MEIS1: variants seen among roughly 807,000 people sequenced by gnomAD.
MEIS1 encodes Meis homeobox 1.
A neutral mutation model predicts 50.8 loss-of-function variants in MEIS1; 5 were observed. The ratio of observed to expected loss-of-function variants is 0.10; its 90% confidence interval spans 0.05 to 0.21. MEIS1 has a LOEUF of 0.21. Among genes scored for constraint, MEIS1 ranks in the 10% least tolerant of loss-of-function variants. The probability of loss-of-function intolerance (pLI) is 1.00; values close to 1 mark genes in which losing one functional copy is unlikely to be tolerated. For synonymous variants in MEIS1, 176 were observed against 179.3 expected (o/e 0.98, Z 0.15); for missense variants, 318 against 517.3 (o/e 0.61, Z 3.74).
chr2:66,567,770 C>A, intron 10 of MEIS1: 1 of 608,558 alleles, frequency 1.6e-6, no homozygotes. Context: ...ATTCTTTGTA[C>A]ACATTCAATA....
chr2:66,492,798 T>A (rs1673304120), intron 7 of MEIS1, among the ~76,000 whole-genome samples: 1 of 152,218 alleles, frequency 6.6e-6, no homozygotes, highest in African/African-American at 2.4e-5. Flanking sequence ...AATAAATCAG[T>A]TGGACAACTC....
At chr2:66,520,830 C>T (rs1026466183) in intron 8 of MEIS1, among the ~76,000 whole-genome samples, 11 of 152,144 alleles carry the variant, frequency 7.2e-5, no homozygotes, top group Non-Finnish European at 1.2e-4. Context: ...TTCTCAAGAT[C>T]AAAAGCGAGG....
intron 8 of MEIS1, among the ~76,000 whole-genome samples, chr2:66,538,371 G>A (rs1674569439): frequency 6.6e-6 from 1 of 152,138 alleles, no homozygotes; most frequent in African/African-American, 2.4e-5. Flanking sequence ...AATACTTAAA[G>A]CTCTGAGAAC....
At chr2:66,447,414 G>T (rs886609656) in intron 6 of MEIS1, among the ~76,000 whole-genome samples, 1 of 152,136 alleles carries the variant, frequency 6.6e-6, no homozygotes, top group Non-Finnish European at 1.5e-5. Context: ...TGTGTTGTGG[G>T]TCATGTGATA....
intron 8 of MEIS1, among the ~76,000 whole-genome samples, chr2:66,520,207 G>C (rs1189730690): frequency 6.6e-6 from 1 of 152,006 alleles, no homozygotes; most frequent in Non-Finnish European, 1.5e-5. Context: ...GGGCGCGGTG[G>C]CTCATGTCTG....
At chr2:66,503,953 G>A (rs988828198) in intron 7 of MEIS1, among the ~76,000 whole-genome samples, 2 of 151,858 alleles carry the variant, frequency 1.3e-5, no homozygotes, top group Non-Finnish European at 2.9e-5. Context: ...CACCTTGTTA[G>A]CCAGGATGGT....
Position 66,571,724 on chromosome 2 carries a change from T to G in MEIS1, c.*516T>G. 1.7e-6 allele frequency: 1 copy of G among 594,982 alleles called. No individual in the cohort carries two copies. The highest frequency in any genetic ancestry group is 3.3e-5 in the Admixed American group (1 of 30,762). 36.9% of individuals were successfully genotyped at this position (594,982 alleles called of 1,614,324 possible). ...CATGCTAAATAACTATATAAGACAT[T>G]AAGAGAACAAAGAGTGAAATATTGT... On this transcript the variant is annotated 3_prime_UTR_variant, in exon 13 of 13. Transcript: ENST00000272369.
chr2:66,553,086 C>T (rs539007769), intron 9 of MEIS1, among the ~76,000 whole-genome samples: 1 of 152,228 alleles, frequency 6.6e-6, no homozygotes, highest in South Asian at 2.1e-4. Flanking sequence ...CTCTGGGTCA[C>T]TTGTTTGCTA....
At position 66,497,020 on chromosome 2, in the gene MEIS1, T is replaced by C. The variant is rs368909787; in HGVS notation, c.743-15129T>C. ...TGAGAGTACATGCTTCGGTGTCTCT[T>C]TTTTCTTTGCCTTCAGTAAAAAGGA... is the stretch of plus-strand genomic sequence containing the variant. On this transcript the variant is annotated intron_variant, in intron 7 of 12. Coordinates refer to ENST00000272369, the MANE Select transcript of MEIS1 (RefSeq NM_002398.3). Among the ~76,000 whole-genome samples the C allele has an allele frequency of 5.5e-4, 84 of 152,318 alleles. 2 individuals are homozygous for C. Among genetic ancestry groups the C allele is most frequent in the South Asian group, 1.0e-3 (5 of 4,824 alleles).
At chr2:66,520,598 T>C (rs1398136846) in intron 8 of MEIS1, among the ~76,000 whole-genome samples, 1 of 152,222 alleles carries the variant, frequency 6.6e-6, no homozygotes, top group Admixed American at 6.5e-5. Flanking sequence ...TTTTATTATA[T>C]TTTTAAAAAT....
At chr2:66,535,262 A>G (rs1674490129) in intron 8 of MEIS1, among the ~76,000 whole-genome samples, 1 of 152,224 alleles carries the variant, frequency 6.6e-6, no homozygotes, top group Admixed American at 6.5e-5. Context: ...TGAGGGCAAC[A>G]TTACCTATTC....
intron 9 of MEIS1, among the ~76,000 whole-genome samples, chr2:66,553,702 A>T (rs893046834): frequency 6.6e-6 from 1 of 152,050 alleles, no homozygotes; most frequent in South Asian, 2.1e-4. Flanking sequence ...TTTCCTTCAG[A>T]TTTAAAAAAT....
At position 66,571,449 on chromosome 2, in the gene MEIS1, A is replaced by G. The variant is rs1242519662; in HGVS notation, c.*241A>G. ...AGGACCGCCCCACCCTGGAATGCCAATGTCAGCATCAAGCCCCACAGTTCT... is the reference window on the plus strand; with the variant it reads ...AGGACCGCCCCACCCTGGAATGCCAGTGTCAGCATCAAGCCCCACAGTTCT... On this transcript the variant is annotated 3_prime_UTR_variant, in exon 13 of 13. Coordinates refer to ENST00000272369, the MANE Select transcript of MEIS1 (RefSeq NM_002398.3). 5 of 1,604,162 alleles carry G rather than the reference A, an allele frequency of 3.1e-6. No individual in the cohort carries two copies. The highest frequency in any genetic ancestry group is 4.3e-6 in the Non-Finnish European group (5 of 1,175,460).
intron 6 of MEIS1, among the ~76,000 whole-genome samples, chr2:66,452,290 C>A (rs1239298217): frequency 1.3e-5 from 2 of 152,034 alleles, no homozygotes; most frequent in Non-Finnish European, 3.0e-5. Flanking sequence ...AACCACCCTG[C>A]CCTTCACTCT....
chr2:66,485,505 G>A lies in MEIS1; in HGVS notation c.742+21285G>A, dbSNP rs184371615. Among the ~76,000 whole-genome samples the A allele has an allele frequency of 3.3e-5, 5 of 152,232 alleles. No individual in the cohort carries two copies. In the East Asian group the frequency reaches 9.7e-4, roughly 29 times the overall value. Reference sequence around the variant, plus strand: ...ACATTTTCTTTATCCTACATTGATGGGCATTTGGGTTGGTTCCAAGTCTTT... The same window carrying A: ...ACATTTTCTTTATCCTACATTGATGAGCATTTGGGTTGGTTCCAAGTCTTT... On this transcript the variant is annotated intron_variant, in intron 7 of 12. Coordinates refer to ENST00000272369, the MANE Select transcript of MEIS1 (RefSeq NM_002398.3).
At chr2:66,483,940 T>C (rs776955954) in intron 7 of MEIS1, among the ~76,000 whole-genome samples, 2 of 152,188 alleles carry the variant, frequency 1.3e-5, no homozygotes, top group Non-Finnish European at 2.9e-5. Flanking sequence ...CACAATAACC[T>C]TTGGTTTTTG....
intron 7 of MEIS1, among the ~76,000 whole-genome samples, chr2:66,472,682 A>G (rs1672790722): frequency 6.6e-6 from 1 of 152,196 alleles, no homozygotes; most frequent in Admixed American, 6.5e-5. Context: ...GGTGGGTATT[A>G]GGTTCAAATT....
chr2:66,461,900 CACAA>C, intron 6 of MEIS1: 1 of 470,510 alleles, frequency 2.1e-6, no homozygotes, highest in Non-Finnish European at 4.4e-6. Context: ...AGGCACAGAT[CACAA>C]ACACTGGGCT....
chr2:66,564,792 ATACATGTGC>A (rs1675300729), intron 9 of MEIS1, among the ~76,000 whole-genome samples: 1 of 151,646 alleles, frequency 6.6e-6, no homozygotes, highest in Admixed American at 6.6e-5. Flanking sequence ...TTACATATGT[ATACATGTGC>A]CATGTTGGTG....
Sources: gnomAD v4.1 joint callset for allele counts (sites outside exome capture counted in the v4.1 genomes callset) on GRCh38, gnomAD v4.1.1 for gene constraint, MANE v1.5 for transcripts, NCBI Gene and HGNC (gene_info 2026-07-23, HGNC 2026-07-21) for gene names.